SYNPR: variants seen among roughly 807,000 people sequenced by gnomAD.
SYNPR encodes the protein synaptoporin.
In SYNPR, 23 loss-of-function variants were observed where a neutral mutation model predicts 32.9. The observed-to-expected ratio is 0.70, with a 90% CI of 0.50 to 0.99. The LOEUF is 0.99. SYNPR is among the 50% of genes least tolerant of loss of function. The pLI, the probability that SYNPR is intolerant of heterozygous loss-of-function variation, is 0.00. For missense variants in SYNPR, 318 were observed against 349.3 expected (o/e 0.91, Z 0.71); for synonymous variants, 146 against 135.9 (o/e 1.07, Z -0.52).
intron 2 of SYNPR, among the ~76,000 whole-genome samples, chr3:63,307,848 A>G (rs2106949141): frequency 6.6e-6 from 1 of 152,196 alleles, no homozygotes; most frequent in East Asian, 1.9e-4. Flanking sequence ...AGAGAAAAAA[A>G]CATGGACTCT....
At chr3:63,390,107 A>T (rs2088111746) in intron 2 of SYNPR, among the ~76,000 whole-genome samples, 1 of 152,224 alleles carries the variant, frequency 6.6e-6, no homozygotes, top group Admixed American at 6.5e-5. Context: ...ATGAAGAGAA[A>T]ACCACGTGAA....
At chr3:63,204,378 T>C in the SYNPR span, among the ~76,000 whole-genome samples, 2 of 152,274 alleles carry the variant, frequency 1.3e-5, no homozygotes, top group Admixed American at 6.5e-5. Flanking sequence ...TGTGGCCATA[T>C]TTCCTCTGTG....
At chr3:63,564,272 C>T (rs1702746832) in intron 4 of SYNPR, among the ~76,000 whole-genome samples, 1 of 150,518 alleles carries the variant, frequency 6.6e-6, no homozygotes, top group Non-Finnish European at 1.5e-5. Context: ...TCTCGGCTCA[C>T]TGCAACCACT....
At chr3:63,493,912 A>G (rs915589900) in intron 3 of SYNPR, among the ~76,000 whole-genome samples, 2 of 151,944 alleles carry the variant, frequency 1.3e-5, no homozygotes, top group Admixed American at 1.3e-4. Context: ...GGCATCTTAA[A>G]TAATCCCCAA....
At chr3:63,535,684 AAT>A (rs1411265576) in intron 3 of SYNPR, among the ~76,000 whole-genome samples, 4 of 152,012 alleles carry the variant, frequency 2.6e-5, no homozygotes, top group Non-Finnish European at 5.9e-5. Context: ...TGGAGAAAAA[AAT>A]AGTCTTTTCA....
At chr3:63,240,616 T>C (rs1384545574) in intron 1 of SYNPR, among the ~76,000 whole-genome samples, 1 of 152,126 alleles carries the variant, frequency 6.6e-6, no homozygotes, top group Non-Finnish European at 1.5e-5. Flanking sequence ...AGGGGACTTA[T>C]CCAAGAAGCT....
At chr3:63,330,717 A>G (rs1443937429) in intron 2 of SYNPR, among the ~76,000 whole-genome samples, 1 of 152,144 alleles carries the variant, frequency 6.6e-6, no homozygotes, top group African/African-American at 2.4e-5. Flanking sequence ...AAGAGGAATT[A>G]TTATTATTGT....
intron 3 of SYNPR, among the ~76,000 whole-genome samples, chr3:63,521,795 G>T (rs778273304): frequency 2.6e-5 from 4 of 152,206 alleles, no homozygotes; most frequent in Non-Finnish European, 5.9e-5. Context: ...TTGAGGATAA[G>T]TAATAAAGAG....
At chr3:63,335,182 G>A (rs538162428) in intron 2 of SYNPR, among the ~76,000 whole-genome samples, 13 of 152,058 alleles carry the variant, frequency 8.5e-5, no homozygotes, top group Admixed American at 2.6e-4. Flanking sequence ...GTGAAACCTC[G>A]TCTCTACTGA....
rs1376673895 is a variant in SYNPR at position 63,533,622 on chromosome 3, T to G, written c.210-22921T>G. Among the ~76,000 whole-genome samples the G allele has an allele frequency of 2.8e-4, 43 of 152,012 alleles. 1 individual carries two copies. Among genetic ancestry groups the G allele is most frequent in the Admixed American group, 2.8e-3 (43 of 15,254 alleles). On this transcript the variant is annotated intron_variant, in intron 3 of 5. Transcript: ENST00000478300. ...TGAAAGGGAAGGCTGAAAACTGGCCTCCAAAACATACAGGAAACAAAGCGG... is the reference window on the plus strand; with the variant it reads ...TGAAAGGGAAGGCTGAAAACTGGCCGCCAAAACATACAGGAAACAAAGCGG...
chr3:63,472,976 G>A (rs1398783660), intron 2 of SYNPR, among the ~76,000 whole-genome samples: 1 of 152,016 alleles, frequency 6.6e-6, no homozygotes. Flanking sequence ...ATATGGCCAC[G>A]GGCTGTCGTT....
intron 2 of SYNPR, among the ~76,000 whole-genome samples, chr3:63,337,114 C>T (rs1575602389): frequency 1.3e-5 from 2 of 151,534 alleles, no homozygotes; most frequent in African/African-American, 2.4e-5. Flanking sequence ...TACTTGTAAT[C>T]CCAGCTACTT....
chr3:63,389,404 A>G (rs901659885), intron 2 of SYNPR, among the ~76,000 whole-genome samples: 13 of 152,302 alleles, frequency 8.5e-5, no homozygotes, highest in Admixed American at 7.2e-4. Context: ...GGCTCTCCCA[A>G]CGATGGAAAG....
chr3:63,400,567 C>T (rs2088277495), intron 2 of SYNPR, among the ~76,000 whole-genome samples: 1 of 152,172 alleles, frequency 6.6e-6, no homozygotes, highest in African/African-American at 2.4e-5. Context: ...AGAAACTTCC[C>T]AGGAGAGAGA....
chr3:63,396,494 G>A (rs185652099), intron 2 of SYNPR, among the ~76,000 whole-genome samples: 2 of 152,206 alleles, frequency 1.3e-5, no homozygotes, highest in African/African-American at 4.8e-5. Flanking sequence ...ATTAGTTCAG[G>A]TATCACCTCT....
In SYNPR at chr3:63,385,899, G is replaced by C. The variant is rs551409538; in HGVS notation, c.85-94933G>C. Among the ~76,000 whole-genome samples, 146 of 152,314 alleles carry C rather than the reference G, an allele frequency of 9.6e-4. 1 individual carries two copies. Among genetic ancestry groups the C allele is most frequent in the African/African-American group, 3.4e-3 (141 of 41,576 alleles). On this transcript the variant is annotated intron_variant, in intron 2 of 5. Coordinates refer to ENST00000478300, the MANE Select transcript of SYNPR (RefSeq NM_001130003.2). ...AACAAATGGGGGTTCTAACCTCAGAGAGCTAAAAGTTTTGCATAGACTATC... is the reference window on the plus strand; with the variant it reads ...AACAAATGGGGGTTCTAACCTCAGACAGCTAAAAGTTTTGCATAGACTATC...
At chr3:63,416,556 A>C (rs1450560699) in intron 2 of SYNPR, among the ~76,000 whole-genome samples, 6 of 149,186 alleles carry the variant, frequency 4.0e-5, no homozygotes, top group Admixed American at 1.4e-4. Context: ...AAAAAAACCA[A>C]AAAAAAACAC....
intron 2 of SYNPR, among the ~76,000 whole-genome samples, chr3:63,302,034 G>A (rs77555158): frequency 3.3e-5 from 5 of 152,088 alleles, no homozygotes; most frequent in African/African-American, 7.2e-5. Flanking sequence ...ATAAATGGAC[G>A]TATGAATAAA....
chr3:63,563,877 T>C (rs780501163), intron 4 of SYNPR, among the ~76,000 whole-genome samples: 1 of 150,012 alleles, frequency 6.7e-6, no homozygotes, highest in Admixed American at 6.7e-5. Context: ...GGACTTGTCA[T>C]AAAGTATAAT....
Sources: allele counts gnomAD v4.1 joint callset (sites outside exome capture counted in the v4.1 genomes callset), GRCh38; gene constraint gnomAD v4.1.1; transcripts MANE v1.5; gene names NCBI Gene and HGNC (gene_info 2026-07-23, HGNC 2026-07-21).